ERBB4: variants seen among roughly 807,000 people sequenced by gnomAD.
ERBB4 encodes the protein receptor tyrosine-protein kinase erbB-4.
In ERBB4, 42 loss-of-function variants were observed where a neutral mutation model predicts 158.0. That is an observed-to-expected ratio of 0.27 (90% confidence interval 0.21 to 0.34). ERBB4 has a LOEUF of 0.34. Among genes scored for constraint, ERBB4 ranks in the 10% least tolerant of loss-of-function variants. The pLI, the probability that ERBB4 is intolerant of heterozygous loss-of-function variation, is 1.00. For synonymous variants in ERBB4, 583 were observed against 558.7 expected, an observed-to-expected ratio of 1.04 and a Z score of -0.61; for missense variants, 1,333 against 1,624.1, an observed-to-expected ratio of 0.82 and a Z score of 3.08.
intron 3 of ERBB4, among the ~76,000 whole-genome samples, chr2:211,852,572 A>G (rs1418348323): frequency 6.6e-6 from 1 of 151,288 alleles, no homozygotes; most frequent in African/African-American, 2.4e-5. Context: ...TCATTCCCCT[A>G]TAATGTTGAT....
chr2:211,589,356 G>C (rs778328307), intron 19 of ERBB4, among the ~76,000 whole-genome samples: 4 of 152,090 alleles, frequency 2.6e-5, no homozygotes, highest in Non-Finnish European at 4.4e-5. Context: ...TAATTGTCGA[G>C]TCAATGTGAA....
intron 2 of ERBB4, among the ~76,000 whole-genome samples, chr2:211,998,343 T>C (rs1271049503): frequency 6.6e-6 from 1 of 151,864 alleles, no homozygotes; most frequent in Non-Finnish European, 1.5e-5. Context: ...ACAGGGAAAA[T>C]CTATTGAGTG....
At chr2:211,914,577 C>T (rs893483429) in intron 3 of ERBB4, among the ~76,000 whole-genome samples, 1 of 152,046 alleles carries the variant, frequency 6.6e-6, no homozygotes, top group Admixed American at 6.6e-5. Flanking sequence ...TTTGAGGAGG[C>T]TTTAAACAAT....
At chr2:211,950,914 T>G (rs1303036266) in intron 2 of ERBB4, among the ~76,000 whole-genome samples, 1 of 152,210 alleles carries the variant, frequency 6.6e-6, no homozygotes. Flanking sequence ...AGCTGTTACC[T>G]CTTTGAATGC....
intron 1 of ERBB4, among the ~76,000 whole-genome samples, chr2:212,299,630 A>G (rs1320754859): frequency 1.3e-5 from 2 of 151,574 alleles, no homozygotes; most frequent in East Asian, 1.9e-4. Context: ...AGGTAATGAT[A>G]TAGCATTATT....
chr2:211,983,668 C>T (rs1396516603), intron 2 of ERBB4, among the ~76,000 whole-genome samples: 1 of 152,126 alleles, frequency 6.6e-6, no homozygotes, highest in Non-Finnish European at 1.5e-5. Flanking sequence ...AAAGAAAACA[C>T]TGACATTTGG....
At chr2:211,596,313 G>C (rs1268965062) in intron 19 of ERBB4, among the ~76,000 whole-genome samples, 2 of 152,070 alleles carry the variant, frequency 1.3e-5, no homozygotes, top group Admixed American at 6.6e-5. Context: ...ACATGAAATG[G>C]TGTTTTATTT....
At chr2:211,671,037 T>C (rs944863204) in intron 14 of ERBB4, among the ~76,000 whole-genome samples, 1 of 152,188 alleles carries the variant, frequency 6.6e-6, no homozygotes, top group Non-Finnish European at 1.5e-5. Flanking sequence ...TGTCTTACTA[T>C]GCAACATTTA....
chr2:212,208,028 G>T (rs1574435952), intron 1 of ERBB4, among the ~76,000 whole-genome samples: 2 of 152,078 alleles, frequency 1.3e-5, no homozygotes, highest in African/African-American at 4.8e-5. Flanking sequence ...GTGTGTTATT[G>T]TAATACATAA....
At chr2:211,887,146 A>C (rs2078823639) in intron 3 of ERBB4, among the ~76,000 whole-genome samples, 1 of 152,066 alleles carries the variant, frequency 6.6e-6, no homozygotes, top group Non-Finnish European at 1.5e-5. Context: ...CACTCCCCCA[A>C]ATCAGGCTCC....
intron 2 of ERBB4, among the ~76,000 whole-genome samples, chr2:212,015,338 T>C (rs1038821838): frequency 6.6e-6 from 1 of 151,898 alleles, no homozygotes; most frequent in African/African-American, 2.4e-5. Context: ...CAGAGATCTT[T>C]TTCTAAAATG....
chr2:211,842,889 A>G (rs1361873797), intron 3 of ERBB4, among the ~76,000 whole-genome samples: 2 of 152,112 alleles, frequency 1.3e-5, no homozygotes, highest in Non-Finnish European at 2.9e-5. Flanking sequence ...CTATTTGTGG[A>G]CTAAATAAAC....
chr2:211,867,709 T>C, intron 3 of ERBB4, among the ~76,000 whole-genome samples: 1 of 152,150 alleles, frequency 6.6e-6, no homozygotes, highest in African/African-American at 2.4e-5. Flanking sequence ...ACTATAGGTG[T>C]GTATCTCCAT....
At chr2:212,128,958 T>C (rs1318043859) in intron 1 of ERBB4, among the ~76,000 whole-genome samples, 1 of 152,108 alleles carries the variant, frequency 6.6e-6, no homozygotes, top group Non-Finnish European at 1.5e-5. Flanking sequence ...CTTTATTTTA[T>C]TGCTCCCAGT....
intron 25 of ERBB4, among the ~76,000 whole-genome samples, chr2:211,392,473 T>C (rs2062817272): frequency 6.6e-6 from 1 of 152,078 alleles, no homozygotes; most frequent in Admixed American, 6.6e-5. Flanking sequence ...TGTCTATTTA[T>C]GTATACATAT....
intron 19 of ERBB4, among the ~76,000 whole-genome samples, chr2:211,602,384 C>A (rs896455581): frequency 6.6e-6 from 1 of 151,930 alleles, no homozygotes; most frequent in African/African-American, 2.4e-5. Flanking sequence ...ACCAGCAAGC[C>A]CCCTCACAAT....
chr2:212,485,760 C>G (rs1010144151), intron 1 of ERBB4, among the ~76,000 whole-genome samples: 3 of 152,046 alleles, frequency 2.0e-5, no homozygotes, highest in African/African-American at 7.2e-5. Flanking sequence ...AGTTCAAGGT[C>G]AAGGTACCTG....
At position 211,957,473 on chromosome 2, in the gene ERBB4, G is replaced by A. The variant is rs1328842997; in HGVS notation, c.235-9857C>T. Among the ~76,000 whole-genome samples the A allele has an allele frequency of 2.0e-5, 3 of 152,096 alleles. No individual in the cohort carries two copies. The South Asian group carries it at 6.2e-4, about 31-fold the overall frequency. On this transcript the variant is annotated intron_variant, in intron 2 of 27. Transcript: ENST00000342788. ...TAAGCCACCCAGTCTGTGGTACTTT[G>A]TTATGGCATTCCTAGCAAACTAAAA...
chr2:212,200,617 G>T (rs946999842), intron 1 of ERBB4, among the ~76,000 whole-genome samples: 6 of 152,114 alleles, frequency 3.9e-5, no homozygotes, highest in Non-Finnish European at 7.4e-5. Context: ...AAATATAAAA[G>T]TAGTGCTACA....
Sources: allele counts gnomAD v4.1 joint callset (sites outside exome capture counted in the v4.1 genomes callset), GRCh38; gene constraint gnomAD v4.1.1; transcripts MANE v1.5; gene names NCBI Gene and HGNC (gene_info 2026-07-23, HGNC 2026-07-21).